The following SSR1 variants were observed in gnomAD, a reference collection of about 807,000 sequenced individuals.
SSR1 encodes the protein signal sequence receptor subunit 1.
In SSR1, 13 loss-of-function variants were observed where a neutral mutation model predicts 36.1. The observed-to-expected ratio is 0.36, with a 90% CI of 0.23 to 0.57. The LOEUF is 0.57. Ranked by LOEUF, SSR1 falls within the 20% of genes least tolerant of loss-of-function variation. The pLI, the probability that SSR1 is intolerant of heterozygous loss-of-function variation, is 0.81. For synonymous variants in SSR1, 113 were observed against 118.9 expected (o/e 0.95, Z 0.32); for missense variants, 291 against 338.5 (o/e 0.86, Z 1.10).
At chr6:7,295,017 A>T in intron 7 of SSR1, 1 of 1,367,206 alleles carries the variant, frequency 7.3e-7, no homozygotes, top group Non-Finnish European at 9.6e-7. Flanking sequence ...AACTTGACGT[A>T]AAATATTTAC....
chr6:7,285,392 T>G lies in SSR1; in HGVS notation c.*4472A>C, dbSNP rs1396875062. Reference sequence around the variant, plus strand: ...CACACCAGACAGAAGCCTTACCCTGTGAGCCGGGCGCAGTGGCTCACGCCT... The same window carrying G: ...CACACCAGACAGAAGCCTTACCCTGGGAGCCGGGCGCAGTGGCTCACGCCT... On this transcript the variant is annotated 3_prime_UTR_variant, in exon 8 of 8. Transcript: ENST00000244763. This position sits in a 1 kb window ranked among gnomAD's most constrained non-coding sequence, Gnocchi z 4.1. The G allele has an allele frequency of 6.6e-6, 1 of 152,242 alleles. No individual in the cohort carries two copies. Among genetic ancestry groups the G allele is most frequent in the Non-Finnish European group, 1.5e-5 (1 of 68,060 alleles). The allele number at this position is 152,242 out of a possible 1,614,324, so 9.4% of individuals were successfully genotyped here. A position where few individuals can be genotyped will look rare whatever the true frequency, so the allele number is the denominator to read the frequency against.
intron 7 of SSR1, among the ~76,000 whole-genome samples, chr6:7,294,637 G>A (rs1757754924): frequency 1.3e-5 from 2 of 152,166 alleles, no homozygotes; most frequent in Admixed American, 6.5e-5. Flanking sequence ...GTAGCAGTGA[G>A]CCAAGACCAT....
At position 7,289,744 on chromosome 6, in the gene SSR1, G is replaced by A; in HGVS notation, c.*120C>T. 1.2e-6 allele frequency: 1 copy of A among 817,230 alleles called. No homozygotes were observed. Among genetic ancestry groups the A allele is most frequent in the Non-Finnish European group, 1.9e-6 (1 of 519,902 alleles). 50.6% of individuals were successfully genotyped at this position (817,230 alleles called of 1,614,324 possible). A position where few individuals can be genotyped will look rare whatever the true frequency, so the allele number is the denominator to read the frequency against. ...TATCGCCACAGACTCTGATTGCTCA[G>A]TCCACACACAAGTAGGAGTTGCCTT... On this transcript the variant is annotated 3_prime_UTR_variant, in exon 8 of 8. Coordinates refer to ENST00000244763, the MANE Select transcript of SSR1 (RefSeq NM_003144.5).
chr6:7,300,791 T>C (rs1188477469), intron 4 of SSR1, among the ~76,000 whole-genome samples: 1 of 152,102 alleles, frequency 6.6e-6, no homozygotes, highest in Admixed American at 6.6e-5. Context: ...TACAGGCGAC[T>C]GCCACCATGC....
At chr6:7,310,224 A>ATTTTTTTT (rs10633004) in intron 1 of SSR1, among the ~76,000 whole-genome samples, 195 bp from the exon 2 acceptor site, 1 of 139,374 alleles carries the variant, frequency 7.2e-6, no homozygotes, top group Non-Finnish European at 1.5e-5. Flanking sequence ...CTGCATATCA[A>ATTTTTTTT]TTTTTTTTTT....
intron 7 of SSR1, 34 bp downstream of exon 7, chr6:7,295,358 A>C: frequency 6.5e-7 from 1 of 1,543,400 alleles, no homozygotes; most frequent in Non-Finnish European, 8.9e-7. Context: ...ACTTAAGAGA[A>C]AAACTTCCCA....
At chr6:7,310,060 C>A in intron 1 of SSR1, 31 bp from the exon 2 acceptor site, 1 of 1,560,476 alleles carries the variant, frequency 6.4e-7, no homozygotes, top group South Asian at 1.1e-5. Flanking sequence ...AAGCAGTTAC[C>A]CTTTACTCTG....
intron 7 of SSR1, among the ~76,000 whole-genome samples, chr6:7,292,434 C>T (rs1045476005): frequency 6.6e-6 from 1 of 152,250 alleles, no homozygotes; most frequent in African/African-American, 2.4e-5. Flanking sequence ...CCTATCACCA[C>T]TGCCTCTGCT....
At position 7,283,334 on chromosome 6, in the gene SSR1, C is replaced by T. The variant is rs1757473274; in HGVS notation, c.*6530G>A. ...CGATCTCAGCTCACCACAATCTCCACCTCCCAGGTTTAAGCAATTCTCCTG... is the reference window on the plus strand; with the variant it reads ...CGATCTCAGCTCACCACAATCTCCATCTCCCAGGTTTAAGCAATTCTCCTG... On this transcript the variant is annotated 3_prime_UTR_variant, in exon 8 of 8. Transcript: ENST00000244763. 6.6e-6 allele frequency: 1 copy of T among 152,294 alleles called. No homozygotes were observed. The highest frequency in any genetic ancestry group is 6.6e-5 in the Admixed American group (1 of 15,266). 9.4% of individuals were successfully genotyped at this position (152,294 alleles called of 1,614,324 possible).
intron 7 of SSR1, among the ~76,000 whole-genome samples, chr6:7,291,207 T>C (rs1757671628): frequency 6.6e-6 from 1 of 152,072 alleles, no homozygotes; most frequent in Admixed American, 6.6e-5. Flanking sequence ...CAGCCCAGCC[T>C]GGCCAACATG....
At chr6:7,303,204 A>C (rs1757978937) in intron 3 of SSR1, among the ~76,000 whole-genome samples, 1 of 147,916 alleles carries the variant, frequency 6.8e-6, no homozygotes, top group Non-Finnish European at 1.5e-5. Context: ...AGAAGTTTTA[A>C]AACATCATCT....
intron 2 of SSR1, among the ~76,000 whole-genome samples, chr6:7,306,701 G>A (rs1219909472): frequency 2.6e-5 from 4 of 151,394 alleles, no homozygotes; most frequent in African/African-American, 7.3e-5. Context: ...CGGATCACGA[G>A]GTCAGGAGAT....
Position 7,313,141 on chromosome 6 carries a change from C to G in SSR1, c.-21G>C, listed in dbSNP as rs1758249454. Reference sequence around the variant, plus strand: ...CTCATGGCGCTGCCGGTCCAGTGTCCAGTTTCCGTCGGCTAAGGCTCTCGG... The same window carrying G: ...CTCATGGCGCTGCCGGTCCAGTGTCGAGTTTCCGTCGGCTAAGGCTCTCGG... On this transcript the variant is annotated 5_prime_UTR_variant, in exon 1 of 8. Transcript: ENST00000244763. 6.3e-7 allele frequency: 1 copy of G among 1,592,620 alleles called. No homozygotes were observed. The highest frequency in any genetic ancestry group is 1.4e-5 in the African/African-American group (1 of 73,476).
rs1757600093 is a variant in SSR1, at chr6:7,288,322, C to CA, written c.*1541dup. On this transcript the variant is annotated 3_prime_UTR_variant, in exon 8 of 8. Transcript: ENST00000244763. ...GATCATAACAGCCCAATTAAAAACT[C>CA]AAACACTTTATATTACAGATATAGA... The CA allele has an allele frequency of 1.3e-5, 2 of 152,296 alleles. No individual in the cohort carries two copies. Among genetic ancestry groups the CA allele is most frequent in the Non-Finnish European group, 2.9e-5 (2 of 68,014 alleles). 9.4% of individuals were successfully genotyped at this position (152,296 alleles called of 1,614,324 possible). A position where few individuals can be genotyped will look rare whatever the true frequency, so the allele number is the denominator to read the frequency against.
chr6:7,301,675 T>G, intron 3 of SSR1, 103 bp from the exon 4 acceptor site: 1 of 1,263,952 alleles, frequency 7.9e-7, no homozygotes, highest in Non-Finnish European at 1.1e-6. Flanking sequence ...CCTGTGGACT[T>G]TGGTGTCAGA....
chr6:7,307,532 C>G (rs1391449490), intron 2 of SSR1, among the ~76,000 whole-genome samples: 1 of 152,108 alleles, frequency 6.6e-6, no homozygotes, highest in Non-Finnish European at 1.5e-5. Context: ...TACTCCCTAC[C>G]CTCTACTTAT....
Position 7,301,524 on chromosome 6 carries a change from T to A in SSR1, c.329A>T (p.Lys110Met). Reference protein sequence around the residue: ...IVKFLVGFTNKGTEDFIVESL... With the variant: ...IVKFLVGFTNMGTEDFIVESL... Reference sequence around the variant, plus strand: ...TTCAACAATAAAATCTTCTGTACCCTTGTTGGTAAAGCCTACCAGGAACTT... The same window carrying A: ...TTCAACAATAAAATCTTCTGTACCCATGTTGGTAAAGCCTACCAGGAACTT... Residue 110 changes from lysine (K) to methionine (M), a missense_variant, in exon 4 of 8, where the codon AAG (lysine) becomes ATG (methionine). Transcript: ENST00000244763. 1 of 1,613,900 alleles carries A rather than the reference T, an allele frequency of 6.2e-7. No individual in the cohort carries two copies. The highest frequency in any genetic ancestry group is 1.3e-5 in the African/African-American group (1 of 75,030).
In SSR1 at chr6:7,286,052, G is replaced by A. The variant is rs1284756437; in HGVS notation, c.*3812C>T. ...AGCAAGCTACTTAAATTCAGGTTTT[G>A]TCTATTCCATCTACAAAATGGGAAC... On this transcript the variant is annotated 3_prime_UTR_variant, in exon 8 of 8. Coordinates refer to ENST00000244763, the MANE Select transcript of SSR1 (RefSeq NM_003144.5). The A allele has an allele frequency of 2.0e-5, 3 of 152,124 alleles. No individual in the cohort carries two copies. The highest frequency in any genetic ancestry group is 7.2e-5 in the African/African-American group (3 of 41,416). The allele number at this position is 152,124 out of a possible 1,614,324, so 9.4% of individuals were successfully genotyped here.
rs1757560057 is a variant in SSR1, at chr6:7,286,615, A to G, written c.*3249T>C. 1 of 152,220 alleles carries G rather than the reference A, an allele frequency of 6.6e-6. No individual in the cohort carries two copies. The highest frequency in any genetic ancestry group is 1.5e-5 in the Non-Finnish European group (1 of 68,030). The allele number at this position is 152,220 out of a possible 1,614,324, so 9.4% of individuals were successfully genotyped here. ...ACAGCTATAAAATGATGCCATTCAA[A>G]AAGTGAACAGTGGGCCGGGCACAGT... On this transcript the variant is annotated 3_prime_UTR_variant, in exon 8 of 8. Coordinates refer to ENST00000244763, the MANE Select transcript of SSR1 (RefSeq NM_003144.5).
Sources: gnomAD v4.1 joint callset for allele counts (sites outside exome capture counted in the v4.1 genomes callset) on GRCh38, gnomAD v4.1.1 for gene constraint, Gnocchi (gnomAD v3.1) non-coding constraint, MANE v1.5 for transcripts, NCBI Gene and HGNC (gene_info 2026-07-23, HGNC 2026-07-21) for gene names.